Variants in NNT observed in about 807,000 individuals in gnomAD.
NNT encodes nicotinamide nucleotide transhydrogenase.
A neutral mutation model predicts 104.8 loss-of-function variants in NNT; 50 were observed. The observed-to-expected ratio is 0.48, with a 90% CI of 0.38 to 0.60. NNT has a LOEUF of 0.60. Ranked by LOEUF, NNT falls within the 20% of genes least tolerant of loss-of-function variation. The pLI, the probability that NNT is intolerant of heterozygous loss-of-function variation, is 0.00. For missense variants in NNT, 1,131 were observed against 1,330.7 expected, an observed-to-expected ratio of 0.85 and a Z score of 2.33; for synonymous variants, 461 against 490.4, an observed-to-expected ratio of 0.94 and a Z score of 0.79.
intron 11 of NNT, 135 bp from the exon 12 acceptor site, chr5:43,650,342 G>A (rs1424273201): frequency 5.3e-6 from 3 of 569,854 alleles, no homozygotes; most frequent in East Asian, 5.6e-5. Flanking sequence ...TAATGAGGGT[G>A]TAAGAAAGCT....
At position 43,650,581 on chromosome 5, in the gene NNT, A is replaced by G. The variant is rs1739705555; in HGVS notation, c.1711A>G (p.Ile571Val). The change falls in exon 12 of 22, where the codon ATT becomes GTT. Residue 571 changes from isoleucine (I) to valine (V), a missense_variant. Coordinates refer to ENST00000344920, the MANE Select transcript of NNT (RefSeq NM_182977.3). ...ALAAFISSVNIAGGFLVTQRM... is the reference protein window; with the variant it reads ...ALAAFISSVNVAGGFLVTQRM... ...TGCTGCATTCATATCCTCTGTCAAC[A>G]TTGCAGGTATGATGTCAGTGAAAGG... 6.2e-7 allele frequency: 1 copy of G among 1,611,382 alleles called. No homozygotes were observed. Among genetic ancestry groups the G allele is most frequent in the African/African-American group, 1.3e-5 (1 of 74,856 alleles).
intron 17 of NNT, among the ~76,000 whole-genome samples, chr5:43,665,126 A>G (rs935814835): frequency 2.6e-5 from 4 of 152,136 alleles, no homozygotes; most frequent in Non-Finnish European, 4.4e-5. Flanking sequence ...ACAGCGGTAC[A>G]TCTACTGCTG....
chr5:43,677,834 A>T, intron 19 of NNT, 28 bp downstream of exon 19: 1 of 1,547,514 alleles, frequency 6.5e-7, no homozygotes, highest in Non-Finnish European at 8.9e-7. Flanking sequence ...AGAGGCTTGC[A>T]CTATGTGTAA....
intron 14 of NNT, among the ~76,000 whole-genome samples, chr5:43,654,187 A>C (rs781078932): frequency 6.6e-6 from 1 of 152,230 alleles, no homozygotes; most frequent in Non-Finnish European, 1.5e-5. Flanking sequence ...GCTGTGGTAC[A>C]TCTCTTTCCA....
chr5:43,653,390 T>C (rs1739868061), intron 14 of NNT, 177 bp downstream of exon 14: 2 of 593,978 alleles, frequency 3.4e-6, no homozygotes, highest in Non-Finnish European at 5.8e-6. Context: ...TTTAGAACAC[T>C]GAATAAATGC....
chr5:43,701,098 T>A (rs1261354916), intron 20 of NNT, among the ~76,000 whole-genome samples: 1 of 152,182 alleles, frequency 6.6e-6, no homozygotes, highest in East Asian at 1.9e-4. Flanking sequence ...TTATTTTATT[T>A]TTATGTATTT....
rs148669283 is a variant in NNT, at chr5:43,691,461, A to T, written c.2877-8658A>T. Among the ~76,000 whole-genome samples the T allele has an allele frequency of 5.7e-3, 864 of 152,158 alleles. 6 individuals are homozygous for T. The highest frequency in any genetic ancestry group is 0.019 in the African/African-American group (785 of 41,484). On this transcript the variant is annotated intron_variant, in intron 19 of 21. Coordinates refer to ENST00000344920, the MANE Select transcript of NNT (RefSeq NM_182977.3). ...TTGTCTTTCTCTTGAACCTTATCCA[A>T]GTGCCCTCTGATCTTTTAAATCTGT...
intron 5 of NNT, among the ~76,000 whole-genome samples, chr5:43,623,315 A>T (rs907591601): frequency 5.9e-5 from 9 of 152,262 alleles, no homozygotes; most frequent in South Asian, 4.1e-4. Context: ...ATATAACAGG[A>T]CTTTACTCTG....
At chr5:43,688,902 G>T (rs1279737807) in intron 19 of NNT, among the ~76,000 whole-genome samples, 1 of 152,194 alleles carries the variant, frequency 6.6e-6, no homozygotes, top group East Asian at 1.9e-4. Flanking sequence ...CCTCTGGGTA[G>T]ATACCTAGCA....
chr5:43,690,910 C>CT (rs539445187), intron 19 of NNT, among the ~76,000 whole-genome samples: 83 of 151,930 alleles, frequency 5.5e-4, no homozygotes, highest in Non-Finnish European at 8.5e-4. Flanking sequence ...TAACAAAAAG[C>CT]TTTTTTTTAG....
At chr5:43,692,874 A>G (rs1742362576) in intron 19 of NNT, among the ~76,000 whole-genome samples, 1 of 152,078 alleles carries the variant, frequency 6.6e-6, no homozygotes, top group Admixed American at 6.5e-5. Flanking sequence ...TTATTTTTAA[A>G]CACTTTGTGT....
chr5:43,648,322 C>T, intron 10 of NNT: 2 of 819,100 alleles, frequency 2.4e-6, no homozygotes, highest in African/African-American at 1.8e-5. Flanking sequence ...GGAAAGTTAA[C>T]TTCTAGTTCC....
At chr5:43,661,860 G>A (rs1313962099) in intron 17 of NNT, among the ~76,000 whole-genome samples, 3 of 151,756 alleles carry the variant, frequency 2.0e-5, no homozygotes, top group Admixed American at 6.6e-5. Context: ...GAATAGTGCC[G>A]CAATAAACAT....
chr5:43,663,686 G>A (rs1740488335), intron 17 of NNT, among the ~76,000 whole-genome samples: 1 of 152,162 alleles, frequency 6.6e-6, no homozygotes, highest in Non-Finnish European at 1.5e-5. Flanking sequence ...GTGCAACGTA[G>A]CAGGCATTAT....
intron 19 of NNT, among the ~76,000 whole-genome samples, chr5:43,691,439 T>A (rs1326275317): frequency 1.3e-5 from 2 of 152,172 alleles, no homozygotes; most frequent in Admixed American, 6.5e-5. Context: ...AGCTATTTTG[T>A]CTTTCTCTTG....
intron 10 of NNT, 197 bp downstream of exon 10, chr5:43,645,707 A>ATTT (rs1561286676): frequency 3.6e-4 from 31 of 85,234 alleles, no homozygotes; most frequent in African/African-American, 8.0e-4. Context: ...ATATATATAT[A>ATTT]TATTTTTTTT....
intron 19 of NNT, among the ~76,000 whole-genome samples, chr5:43,689,190 G>C (rs753777203): frequency 9.2e-5 from 14 of 152,148 alleles, no homozygotes; most frequent in Non-Finnish European, 1.8e-4. Context: ...TCTTCTTTGA[G>C]AGTTGTCTAT....
intron 19 of NNT, among the ~76,000 whole-genome samples, chr5:43,699,721 A>AT (rs1267100036): frequency 6.6e-6 from 1 of 152,074 alleles, no homozygotes; most frequent in African/African-American, 2.4e-5. Context: ...AATAATGTTG[A>AT]TTTTTCGTGG....
chr5:43,680,104 T>C (rs1408412789), intron 19 of NNT, among the ~76,000 whole-genome samples: 1 of 152,098 alleles, frequency 6.6e-6, no homozygotes, highest in African/African-American at 2.4e-5. Flanking sequence ...CTATTCTTGC[T>C]AAAATTATGA....
Sources: allele counts gnomAD v4.1 joint callset (sites outside exome capture counted in the v4.1 genomes callset), GRCh38; gene constraint gnomAD v4.1.1; transcripts MANE v1.5; gene names NCBI Gene and HGNC (gene_info 2026-07-23, HGNC 2026-07-21).